Variants in KHDRBS3 observed in about 807,000 individuals in gnomAD.
KHDRBS3 encodes the protein KH domain-containing, RNA-binding, signal transduction-associated protein 3.
A neutral mutation model predicts 45.6 loss-of-function variants in KHDRBS3; 23 were observed. The observed-to-expected ratio is 0.50, with a 90% CI of 0.36 to 0.72. The LOEUF is 0.72. Ranked by LOEUF, KHDRBS3 falls within the 30% of genes least tolerant of loss-of-function variation. The probability of loss-of-function intolerance (pLI) is 0.00; values close to 1 mark genes in which losing one functional copy is unlikely to be tolerated. For synonymous variants in KHDRBS3, 162 were observed against 156.5 expected, an observed-to-expected ratio of 1.04 and a Z score of -0.26; for missense variants, 352 against 424.8, an observed-to-expected ratio of 0.83 and a Z score of 1.51.
chr8:135,477,565 C>G lies in KHDRBS3; in HGVS notation c.88+19611C>G, dbSNP rs113846431. Among the ~76,000 whole-genome samples the G allele has an allele frequency of 3.9e-5, 6 of 152,312 alleles. 1 individual carries two copies. Among genetic ancestry groups the G allele is most frequent in the African/African-American group, 1.4e-4 (6 of 41,578 alleles). On this transcript the variant is annotated intron_variant, in intron 1 of 8. Coordinates refer to ENST00000355849, the MANE Select transcript of KHDRBS3 (RefSeq NM_006558.3). Reference sequence around the variant, plus strand: ...GATGAGCTCAGTGACATGAAACAAACTAGGACTTGATTCAGTGATTTGTTT... The same window carrying G: ...GATGAGCTCAGTGACATGAAACAAAGTAGGACTTGATTCAGTGATTTGTTT...
rs1395728340 is a variant in KHDRBS3 at position 135,469,506 on chromosome 8, GTTTTTTTTTTGTTTTGGTTT to G, written c.88+11563_88+11582del. Among the ~76,000 whole-genome samples the G allele has an allele frequency of 5.3e-4, 59 of 111,272 alleles. 2 individuals are homozygous for G. The highest frequency in any genetic ancestry group is 2.2e-3 in the African/African-American group (55 of 24,754). 73.0% of individuals were successfully genotyped at this position (111,272 alleles called of 152,430 possible). On this transcript the variant is annotated intron_variant, in intron 1 of 8. Coordinates refer to ENST00000355849, the MANE Select transcript of KHDRBS3 (RefSeq NM_006558.3). ...GTTTCACCATGTTAGCCAGGATGGTGTTTTTTTTTTGTTTTGGTTTTTTTTTTTTTTTTTTTTTTTTGAGA... is the reference window on the plus strand; with the variant it reads ...GTTTCACCATGTTAGCCAGGATGGTGTTTTTTTTTTTTTTTTTTTTTGAGA...
intron 7 of KHDRBS3, among the ~76,000 whole-genome samples, chr8:135,626,620 G>A (rs996946058): frequency 2.0e-5 from 3 of 152,068 alleles, no homozygotes; most frequent in South Asian, 2.1e-4. Flanking sequence ...TGGCTAACAC[G>A]GTGAAACCCC....
chr8:135,535,257 AAACTATTATAT>A (rs2130732408), intron 2 of KHDRBS3, among the ~76,000 whole-genome samples: 1 of 143,128 alleles, frequency 7.0e-6, no homozygotes, highest in East Asian at 2.0e-4. Flanking sequence ...AACTATATAT[AAACTATTATAT>A]ATAGTTAAAC....
intron 6 of KHDRBS3, among the ~76,000 whole-genome samples, chr8:135,593,729 C>T (rs1019396366): frequency 7.9e-5 from 12 of 152,154 alleles, no homozygotes; most frequent in African/African-American, 2.7e-4. Flanking sequence ...CCTCCTGCCT[C>T]GGCTTCCACA....
intron 2 of KHDRBS3, 48 bp from the exon 3 acceptor site, chr8:135,542,605 AT>A (rs1563755573): frequency 8.5e-7 from 1 of 1,171,642 alleles, no homozygotes; most frequent in East Asian, 2.3e-5. Context: ...AGATTAAGAA[AT>A]TGCTTTCACA....
chr8:135,529,885 A>G (rs1825381881), intron 2 of KHDRBS3, among the ~76,000 whole-genome samples: 1 of 151,868 alleles, frequency 6.6e-6, no homozygotes, highest in South Asian at 2.1e-4. Flanking sequence ...TGTCTCTACT[A>G]AAAATACAAA....
intron 1 of KHDRBS3, among the ~76,000 whole-genome samples, chr8:135,504,705 C>T (rs1311390853): frequency 6.6e-6 from 1 of 152,222 alleles, no homozygotes; most frequent in Non-Finnish European, 1.5e-5. Context: ...TCAAGGTAAA[C>T]ATCACCTGCA....
intron 1 of KHDRBS3, among the ~76,000 whole-genome samples, chr8:135,473,823 A>G (rs1042408246): frequency 6.6e-6 from 1 of 152,228 alleles, no homozygotes; most frequent in Non-Finnish European, 1.5e-5. Context: ...GCCCCTCCTC[A>G]GAAGACAGCC....
chr8:135,492,529 A>G (rs977313422), intron 1 of KHDRBS3, among the ~76,000 whole-genome samples: 2 of 149,824 alleles, frequency 1.3e-5, no homozygotes, highest in Non-Finnish European at 3.0e-5. Flanking sequence ...ATATATATAT[A>G]TATATTTCCT....
chr8:135,646,978 T>A lies in KHDRBS3; in HGVS notation c.950-15T>A. ...ATGGCAGTGATCTAATTGTGATTCATCTTACTGATTGTAGGGCAAGAAGAG... is the reference window on the plus strand; with the variant it reads ...ATGGCAGTGATCTAATTGTGATTCAACTTACTGATTGTAGGGCAAGAAGAG... On this transcript the variant is annotated splice_polypyrimidine_tract_variant and intron_variant, in intron 8 of 8. Transcript: ENST00000355849. 7.0e-7 allele frequency: 1 copy of A among 1,426,094 alleles called. No individual in the cohort carries two copies. Among genetic ancestry groups the A allele is most frequent in the Non-Finnish European group, 9.9e-7 (1 of 1,008,358 alleles). The allele number at this position is 1,426,094 out of a possible 1,614,324, so 88.3% of individuals were successfully genotyped here.
chr8:135,605,915 TTTG>T (rs761817462), intron 6 of KHDRBS3, among the ~76,000 whole-genome samples: 25 of 152,294 alleles, frequency 1.6e-4, no homozygotes, highest in African/African-American at 2.6e-4. Context: ...GTCTCAGTTT[TTTG>T]TTGTTGTTGT....
intron 7 of KHDRBS3, among the ~76,000 whole-genome samples, chr8:135,642,322 T>A (rs981041608): frequency 6.6e-6 from 1 of 152,212 alleles, no homozygotes; most frequent in African/African-American, 2.4e-5. Context: ...CCTGGGCAGA[T>A]GGCTCAGCTT....
chr8:135,634,589 G>A (rs1416123507), intron 7 of KHDRBS3, among the ~76,000 whole-genome samples: 1 of 152,156 alleles, frequency 6.6e-6, no homozygotes, highest in Non-Finnish European at 1.5e-5. Flanking sequence ...CTTGGCACTA[G>A]TAGATAAAAC....
chr8:135,565,962 A>C (rs551589403), intron 5 of KHDRBS3, among the ~76,000 whole-genome samples: 1 of 152,200 alleles, frequency 6.6e-6, no homozygotes, highest in African/African-American at 2.4e-5. Flanking sequence ...TTTTTGCCTA[A>C]GGTTTGATTT....
chr8:135,612,365 G>T (rs1829739407), intron 7 of KHDRBS3, among the ~76,000 whole-genome samples: 1 of 151,802 alleles, frequency 6.6e-6, no homozygotes, highest in Non-Finnish European at 1.5e-5. Flanking sequence ...AGCAAATAGG[G>T]AATTTAATTT....
intron 7 of KHDRBS3, among the ~76,000 whole-genome samples, chr8:135,627,906 G>A (rs1336412829): frequency 2.0e-5 from 3 of 151,082 alleles, no homozygotes; most frequent in Non-Finnish European, 4.4e-5. Context: ...AAAAACAGGT[G>A]GTGTTGAAAA....
intron 6 of KHDRBS3, among the ~76,000 whole-genome samples, chr8:135,592,768 T>A (rs1214969086): frequency 6.6e-6 from 1 of 152,040 alleles, no homozygotes; most frequent in Non-Finnish European, 1.5e-5. Flanking sequence ...TCTGGTTATA[T>A]AGCATCTTCC....
In KHDRBS3 at chr8:135,606,795, G is replaced by C. The variant is rs549215859; in HGVS notation, c.808-160G>C. Among the ~76,000 whole-genome samples, 4 of 152,282 alleles carry C rather than the reference G, an allele frequency of 2.6e-5. No individual in the cohort carries two copies. In the East Asian group the frequency reaches 7.7e-4, roughly 29 times the overall value. On this transcript the variant is annotated intron_variant, in intron 6 of 8. Coordinates refer to ENST00000355849, the MANE Select transcript of KHDRBS3 (RefSeq NM_006558.3). ...TTTGCTTTTGTAGAGAGAATGTGTGGAAGTTCTTCACCATTTTCACTCCTA... is the reference window on the plus strand; with the variant it reads ...TTTGCTTTTGTAGAGAGAATGTGTGCAAGTTCTTCACCATTTTCACTCCTA...
chr8:135,574,613 C>A (rs1827867761), intron 5 of KHDRBS3, among the ~76,000 whole-genome samples: 1 of 152,022 alleles, frequency 6.6e-6, no homozygotes, highest in South Asian at 2.1e-4. Flanking sequence ...GGATGGCAAT[C>A]ATGGATATTG....
Sources: gnomAD v4.1 joint callset for allele counts (sites outside exome capture counted in the v4.1 genomes callset) on GRCh38, gnomAD v4.1.1 for gene constraint, MANE v1.5 for transcripts, NCBI Gene and HGNC (gene_info 2026-07-23, HGNC 2026-07-21) for gene names.